The following GRID2 variants were observed in gnomAD, a reference collection of about 807,000 sequenced individuals.
The protein encoded by GRID2 is glutamate receptor ionotropic, delta-2.
In GRID2, 33 loss-of-function variants were observed where a neutral mutation model predicts 114.8. The observed-to-expected ratio is 0.29, with a 90% CI of 0.22 to 0.38. The LOEUF (loss-of-function observed/expected upper bound fraction) is 0.38. Among genes scored for constraint, GRID2 ranks in the 10% least tolerant of loss-of-function variants. GRID2 has a pLI of 1.00. For synonymous variants in GRID2, 505 were observed against 449.9 expected (o/e 1.12, Z -1.55); for missense variants, 1,184 against 1,257.7 (o/e 0.94, Z 0.89).
intron 2 of GRID2, among the ~76,000 whole-genome samples, chr4:92,921,930 G>A (rs942144556): frequency 5.9e-5 from 9 of 152,296 alleles, no homozygotes; most frequent in Admixed American, 5.2e-4. Context: ...GTATGGCTAT[G>A]CCCTGCCCCC....
chr4:93,154,609 A>ATTC, intron 4 of GRID2, among the ~76,000 whole-genome samples: 1 of 152,146 alleles, frequency 6.6e-6, no homozygotes, highest in South Asian at 2.1e-4. Context: ...TTATATAATA[A>ATTC]TTCTTCTAGG....
chr4:93,726,794 A>G (rs1273147968), intron 14 of GRID2, among the ~76,000 whole-genome samples: 2 of 152,066 alleles, frequency 1.3e-5, no homozygotes, highest in Admixed American at 6.5e-5. Context: ...TTTGTCTGTT[A>G]TTGGTGTATA....
intron 1 of GRID2, among the ~76,000 whole-genome samples, chr4:92,452,446 T>G (rs1468143370): frequency 6.6e-6 from 1 of 151,880 alleles, no homozygotes; most frequent in Non-Finnish European, 1.5e-5. Flanking sequence ...GCCTCCTGAG[T>G]AGCTGGGATT....
chr4:93,157,342 A>G (rs1251436629), intron 4 of GRID2, among the ~76,000 whole-genome samples: 1 of 151,648 alleles, frequency 6.6e-6, no homozygotes, highest in Non-Finnish European at 1.5e-5. Flanking sequence ...CTCTTCCTCT[A>G]CTTTGATTTT....
chr4:92,633,339 T>G (rs111607684), intron 2 of GRID2, among the ~76,000 whole-genome samples: 2,541 of 152,214 alleles, frequency 0.017, 63 homozygotes, highest in African/African-American at 0.057. Flanking sequence ...AACTTAAATT[T>G]GGAAAATTAG....
chr4:93,762,059 C>T (rs566686194), intron 14 of GRID2, among the ~76,000 whole-genome samples: 45 of 152,176 alleles, frequency 3.0e-4, no homozygotes, highest in South Asian at 1.7e-3. Context: ...AATGAAAAAC[C>T]TATTGAGCTA....
chr4:93,431,957 AATAG>A (rs1305200842), intron 10 of GRID2, among the ~76,000 whole-genome samples: 12 of 152,270 alleles, frequency 7.9e-5, no homozygotes, highest in Non-Finnish European at 8.8e-5. Flanking sequence ...GTATGTTAAT[AATAG>A]ATAGGCAAGA....
chr4:92,406,519 G>T (rs1025558564), intron 1 of GRID2, among the ~76,000 whole-genome samples: 6 of 152,040 alleles, frequency 3.9e-5, no homozygotes, highest in Non-Finnish European at 7.4e-5. Flanking sequence ...GAAGTGACTA[G>T]AGTTTTGGGT....
intron 2 of GRID2, among the ~76,000 whole-genome samples, chr4:93,042,303 A>C (rs28414238): frequency 0.029 from 1,961 of 66,790 alleles, 45 homozygotes; most frequent in African/African-American, 0.11. Flanking sequence ...CTCTCTCTAT[A>C]TATATATATA....
intron 2 of GRID2, among the ~76,000 whole-genome samples, chr4:93,056,177 A>G (rs1273962258): frequency 1.3e-5 from 2 of 151,970 alleles, no homozygotes; most frequent in Non-Finnish European, 2.9e-5. Flanking sequence ...CAAACTGAAA[A>G]GGAAAAGTAT....
intron 13 of GRID2, among the ~76,000 whole-genome samples, chr4:93,622,603 C>T (rs1463662568): frequency 6.6e-6 from 1 of 152,180 alleles, no homozygotes; most frequent in East Asian, 1.9e-4. Context: ...GTACCACAGA[C>T]ACTCCATGAG....
intron 1 of GRID2, among the ~76,000 whole-genome samples, chr4:92,438,299 A>G (rs1457536261): frequency 2.0e-5 from 3 of 152,170 alleles, no homozygotes; most frequent in Non-Finnish European, 4.4e-5. Context: ...GCAGAGGGAC[A>G]GTATGATGTA....
rs993213228 is a variant in GRID2, at chr4:93,773,040, A to G, written c.*542A>G. The stretch of plus-strand genomic sequence containing the variant: ...TCAGGCCACATAAGATGAGAATGCA[A>G]TTTTGTAGGATTACAAAAAAGCCAT... On this transcript the variant is annotated 3_prime_UTR_variant, in exon 16 of 16. Coordinates refer to ENST00000282020, the MANE Select transcript of GRID2 (RefSeq NM_001510.4). 6.6e-6 allele frequency: 1 copy of G among 152,210 alleles called. No homozygotes were observed. Among genetic ancestry groups the G allele is most frequent in the Non-Finnish European group, 1.5e-5 (1 of 68,074 alleles). The allele number at this position is 152,210 out of a possible 1,614,324, so 9.4% of individuals were successfully genotyped here.
intron 4 of GRID2, among the ~76,000 whole-genome samples, chr4:93,180,635 G>C (rs1739805825): frequency 6.6e-6 from 1 of 152,070 alleles, no homozygotes; most frequent in Non-Finnish European, 1.5e-5. Context: ...CCTTGCTGCT[G>C]CTTTATCAAT....
At chr4:93,157,385 T>C (rs1311015338) in intron 4 of GRID2, among the ~76,000 whole-genome samples, 1 of 151,758 alleles carries the variant, frequency 6.6e-6, no homozygotes, top group Non-Finnish European at 1.5e-5. Context: ...GTTTTTAAAA[T>C]AAAAATATCT....
chr4:93,656,992 T>G (rs1723082354), intron 14 of GRID2, among the ~76,000 whole-genome samples: 1 of 152,004 alleles, frequency 6.6e-6, no homozygotes. Context: ...AACAGTGTGA[T>G]AAGATGGTTT....
At chr4:93,585,755 T>A (rs1206831808) in intron 13 of GRID2, among the ~76,000 whole-genome samples, 3 of 152,114 alleles carry the variant, frequency 2.0e-5, no homozygotes, top group Non-Finnish European at 4.4e-5. Context: ...TGCCCAGACA[T>A]GTTATAACAA....
chr4:93,802,312 G>A (rs951196070), intron 1 of GRID2, among the ~76,000 whole-genome samples: 3 of 152,122 alleles, frequency 2.0e-5, no homozygotes, highest in African/African-American at 4.8e-5. Context: ...TCTGTGAGGG[G>A]AGCGTCAAAA....
intron 2 of GRID2, among the ~76,000 whole-genome samples, chr4:93,074,902 C>A (rs769610701): frequency 2.6e-5 from 4 of 152,182 alleles, no homozygotes; most frequent in Middle Eastern, 3.4e-3. Context: ...GAAATATAAA[C>A]GTTACCAAAG....
Sources: allele counts gnomAD v4.1 joint callset (sites outside exome capture counted in the v4.1 genomes callset), GRCh38; gene constraint gnomAD v4.1.1; transcripts MANE v1.5; gene names NCBI Gene and HGNC (gene_info 2026-07-23, HGNC 2026-07-21).